SULF2: variants seen among roughly 807,000 people sequenced by gnomAD.
SULF2 encodes sulfatase 2, also known as extracellular sulfatase Sulf-2.
In SULF2, 52 loss-of-function variants were observed where a neutral mutation model predicts 107.7. The observed-to-expected ratio is 0.48, with a 90% CI of 0.39 to 0.61. SULF2 has a LOEUF of 0.61. Ranked by LOEUF, SULF2 falls within the 20% of genes least tolerant of loss-of-function variation. The probability of loss-of-function intolerance (pLI) is 0.00; values close to 1 mark genes in which losing one functional copy is unlikely to be tolerated. For missense variants in SULF2, 993 were observed against 1,177.3 expected (o/e 0.84, Z 2.29); for synonymous variants, 460 against 464.3 (o/e 0.99, Z 0.12).
At chr20:47,747,385 C>T (rs887540861) in intron 2 of SULF2, among the ~76,000 whole-genome samples, 5 of 152,148 alleles carry the variant, frequency 3.3e-5, no homozygotes, top group East Asian at 1.9e-4. Flanking sequence ...TTCTCCGTTG[C>T]TTTCTGCTGC....
At chr20:47,760,657 G>A (rs1193003892) in intron 1 of SULF2, among the ~76,000 whole-genome samples, 2 of 152,136 alleles carry the variant, frequency 1.3e-5, no homozygotes, top group Admixed American at 6.5e-5. Context: ...GGCTGGCCAG[G>A]ACAGCAAGTC....
At chr20:47,731,261 C>T (rs1033424253) in intron 3 of SULF2, among the ~76,000 whole-genome samples, 4 of 137,616 alleles carry the variant, frequency 2.9e-5, no homozygotes, top group Non-Finnish European at 6.0e-5. Context: ...GGTGCGATCT[C>T]GGCTCACTGC....
intron 3 of SULF2, among the ~76,000 whole-genome samples, chr20:47,716,019 G>A (rs112817600): frequency 1.3e-5 from 2 of 152,274 alleles, no homozygotes; most frequent in African/African-American, 4.8e-5. Flanking sequence ...GCCCACACGG[G>A]ACATGACTTC....
At chr20:47,775,386 GGTT>G (rs2090706507) in intron 1 of SULF2, among the ~76,000 whole-genome samples, 1 of 152,308 alleles carries the variant, frequency 6.6e-6, no homozygotes, top group East Asian at 1.9e-4. Context: ...ATTTGAATGG[GGTT>G]GTTTTAGACC....
chr20:47,710,345 AC>A (rs1411875183), intron 3 of SULF2, among the ~76,000 whole-genome samples: 1 of 151,734 alleles, frequency 6.6e-6, no homozygotes, highest in Admixed American at 6.6e-5. Flanking sequence ...CCATATTTTT[AC>A]TGTACTCTAT....
At chr20:47,677,264 AG>A (rs2087674860) in intron 8 of SULF2, 130 bp from the exon 9 acceptor site, 1 of 961,284 alleles carries the variant, frequency 1.0e-6, no homozygotes, top group South Asian at 1.5e-5. Flanking sequence ...AATTGTGGTG[AG>A]TGTGCCCAGC....
chr20:47,715,328 T>C (rs2089081040), intron 3 of SULF2, among the ~76,000 whole-genome samples: 1 of 152,096 alleles, frequency 6.6e-6, no homozygotes, highest in Admixed American at 6.5e-5. Context: ...ACATTGCTTC[T>C]CCACATATTT....
chr20:47,761,266 G>T (rs2090413119), intron 1 of SULF2, among the ~76,000 whole-genome samples: 1 of 152,182 alleles, frequency 6.6e-6, no homozygotes, highest in African/African-American at 2.4e-5. Flanking sequence ...CCAGACAGAA[G>T]ATGGCAGGGA....
intron 2 of SULF2, 80 bp downstream of exon 2, chr20:47,757,109 C>T: frequency 7.6e-7 from 1 of 1,314,496 alleles, no homozygotes; most frequent in Non-Finnish European, 1.0e-6. Flanking sequence ...AACACCACCG[C>T]CTTGCCTCAG....
intron 4 of SULF2, 59 bp from the exon 5 acceptor site, chr20:47,690,354 C>T (rs551354037): frequency 1.5e-6 from 2 of 1,314,746 alleles, no homozygotes; most frequent in Admixed American, 2.9e-5. Context: ...TACTGGTGTC[C>T]ACTACGTGCC....
intron 2 of SULF2, among the ~76,000 whole-genome samples, chr20:47,748,864 G>C (rs2090103940): frequency 6.6e-6 from 1 of 152,128 alleles, no homozygotes; most frequent in Non-Finnish European, 1.5e-5. Context: ...ATCCCTAGTG[G>C]TTTCCTCGCA....
At chr20:47,697,445 A>G (rs1291462082) in intron 4 of SULF2, among the ~76,000 whole-genome samples, 2 of 152,176 alleles carry the variant, frequency 1.3e-5, no homozygotes, top group African/African-American at 4.8e-5. Flanking sequence ...CTGCCTTGCC[A>G]GAGGCATCTT....
chr20:47,757,386 G>A lies in SULF2; in HGVS notation c.-23C>T. ...CATCTTCTTTTTTTGCTGATCTGGTGCTTCTTTTGGGATGCGGGAGTCTCA... is the reference window on the plus strand; with the variant it reads ...CATCTTCTTTTTTTGCTGATCTGGTACTTCTTTTGGGATGCGGGAGTCTCA... On this transcript the variant is annotated 5_prime_UTR_variant, in exon 2 of 21. Transcript: ENST00000688720. 6.4e-7 allele frequency: 1 copy of A among 1,557,800 alleles called. No individual in the cohort carries two copies. Among genetic ancestry groups the A allele is most frequent in the Non-Finnish European group, 8.7e-7 (1 of 1,146,292 alleles).
At chr20:47,777,612 G>A (rs1189156095) in intron 1 of SULF2, among the ~76,000 whole-genome samples, 3 of 152,202 alleles carry the variant, frequency 2.0e-5, no homozygotes. Context: ...AGTCAGAAAT[G>A]TGATTCCTCA....
rs375188605 is a variant in SULF2, at chr20:47,659,354, C to T, written c.2582+45G>A. On this transcript the variant is annotated intron_variant, in intron 20 of 20. Transcript: ENST00000688720. ...ATAGAATAGCATTGGCAAAATGAAGCGGTCAGAACCAGATTTCTATTTGTA... is the reference window on the plus strand; with the variant it reads ...ATAGAATAGCATTGGCAAAATGAAGTGGTCAGAACCAGATTTCTATTTGTA... The T allele has an allele frequency of 2.7e-5, 42 of 1,564,016 alleles. No homozygotes were observed. The East Asian group carries it at 3.1e-4, about 12-fold the overall frequency.
intron 4 of SULF2, among the ~76,000 whole-genome samples, chr20:47,691,466 C>T (rs2088194323): frequency 1.3e-5 from 2 of 152,148 alleles, no homozygotes; most frequent in Admixed American, 6.5e-5. Context: ...CTGGGCCCAC[C>T]CCCAGAGATT....
chr20:47,758,529 G>C (rs2090347526), intron 1 of SULF2, among the ~76,000 whole-genome samples: 1 of 152,134 alleles, frequency 6.6e-6, no homozygotes, highest in African/African-American at 2.4e-5. Flanking sequence ...AGCGCTAAAA[G>C]GTGGAGGGGG....
At chr20:47,785,960 C>T (rs2090925831), upstream of SULF2, 1 of 152,536 alleles carries the variant, frequency 6.6e-6, no homozygotes, top group Non-Finnish European at 1.5e-5. Context: ...CCCGGCGGCT[C>T]TCGACCTCCC....
chr20:47,744,985 C>A (rs2089973717), intron 2 of SULF2, among the ~76,000 whole-genome samples: 1 of 152,004 alleles, frequency 6.6e-6, no homozygotes, highest in South Asian at 2.1e-4. Context: ...ACACTTCAGT[C>A]CTAGACTGAA....
Sources: gnomAD v4.1 joint callset for allele counts (sites outside exome capture counted in the v4.1 genomes callset) on GRCh38, gnomAD v4.1.1 for gene constraint, MANE v1.5 for transcripts, NCBI Gene and HGNC (gene_info 2026-07-23, HGNC 2026-07-21) for gene names.